Variants in TAB2 observed in about 807,000 individuals in gnomAD.
TAB2 encodes TGF-beta activated kinase 1 (MAP3K7) binding protein 2, also known as TGF-beta-activated kinase 1 and MAP3K7-binding protein 2.
TAB2 carries 3 observed loss-of-function variants against 65.0 expected under a neutral mutation model. That is an observed-to-expected ratio of 0.05 (90% CI 0.02 to 0.12). The LOEUF (loss-of-function observed/expected upper bound fraction) is 0.12. Ranked by LOEUF, TAB2 falls within the 10% of genes least tolerant of loss-of-function variation. The probability of loss-of-function intolerance (pLI) is 1.00; values close to 1 mark genes in which losing one functional copy is unlikely to be tolerated. For missense variants in TAB2, 623 were observed against 840.3 expected, an observed-to-expected ratio of 0.74 and a Z score of 3.20; for synonymous variants, 298 against 285.1, an observed-to-expected ratio of 1.05 and a Z score of -0.46.
chr6:149,299,502 G>A (rs952390417), intron 1 of TAB2, among the ~76,000 whole-genome samples: 2 of 152,142 alleles, frequency 1.3e-5, no homozygotes, highest in Non-Finnish European at 2.9e-5. Flanking sequence ...AACCCAGGAG[G>A]GGGAGGCTGC....
intron 1 of TAB2, among the ~76,000 whole-genome samples, chr6:149,277,362 G>T (rs1278427909): frequency 2.6e-5 from 4 of 151,776 alleles, no homozygotes; most frequent in Admixed American, 2.6e-4. Flanking sequence ...TTTAAAAAAA[G>T]AACAAATAAG....
At chr6:149,254,027 G>A (rs28404752) in intron 1 of TAB2, among the ~76,000 whole-genome samples, 11 of 131,632 alleles carry the variant, frequency 8.4e-5, no homozygotes, top group South Asian at 7.5e-4. Flanking sequence ...AGAAAGAAAA[G>A]AAAGAAAGAG....
intron 6 of TAB2, among the ~76,000 whole-genome samples, chr6:149,408,486 G>C (rs1223773168): frequency 6.6e-6 from 1 of 152,088 alleles, no homozygotes. Flanking sequence ...TTTGACTTCT[G>C]TATTTTTATT....
intron 1 of TAB2, among the ~76,000 whole-genome samples, chr6:149,298,116 T>C (rs920841460): frequency 2.0e-5 from 3 of 152,222 alleles, no homozygotes; most frequent in South Asian, 2.1e-4. Context: ...CACAATTTAA[T>C]TGAAAAAAAA....
At chr6:149,231,511 C>T (rs1405356043) in intron 1 of TAB2, among the ~76,000 whole-genome samples, 1 of 152,154 alleles carries the variant, frequency 6.6e-6, no homozygotes, top group African/African-American at 2.4e-5. Flanking sequence ...AAATTTTAAA[C>T]TTGATTTGGG....
intron 1 of TAB2, among the ~76,000 whole-genome samples, chr6:149,349,184 A>G (rs529235706): frequency 6.6e-6 from 1 of 152,008 alleles, no homozygotes; most frequent in African/African-American, 2.4e-5. Flanking sequence ...GCTTTGGGAG[A>G]CTGAGGCGGG....
At chr6:149,406,651 TTTTCACATTCTCC>T (rs1782674204) in intron 6 of TAB2, among the ~76,000 whole-genome samples, 1 of 152,192 alleles carries the variant, frequency 6.6e-6, no homozygotes, top group Non-Finnish European at 1.5e-5. Context: ...GTTACAAGAA[TTTTCACATTCTCC>T]TTTCACATTC....
At chr6:149,339,809 AGCT>A (rs907877261) in intron 1 of TAB2, among the ~76,000 whole-genome samples, 1 of 151,788 alleles carries the variant, frequency 6.6e-6, no homozygotes, top group Non-Finnish European at 1.5e-5. Flanking sequence ...ATGTTGGCCA[AGCT>A]GGTCTCAAAC....
intron 1 of TAB2, among the ~76,000 whole-genome samples, chr6:149,335,953 C>G (rs1210528967): frequency 6.6e-6 from 1 of 151,972 alleles, no homozygotes; most frequent in East Asian, 1.9e-4. Context: ...GTTTCACATA[C>G]TTTGCTGCTT....
intron 1 of TAB2, among the ~76,000 whole-genome samples, chr6:149,320,492 A>G (rs1583085343): frequency 6.6e-6 from 1 of 151,916 alleles, no homozygotes; most frequent in Non-Finnish European, 1.5e-5. Context: ...AGTTTATTCT[A>G]CATCCGTAAT....
At chr6:149,239,315 G>A in intron 1 of TAB2, among the ~76,000 whole-genome samples, 1 of 152,208 alleles carries the variant, frequency 6.6e-6, no homozygotes, top group East Asian at 1.9e-4. Context: ...CATGACCAGA[G>A]CTTACTGAGA....
chr6:149,401,685 A>G (rs1307872626), intron 6 of TAB2, among the ~76,000 whole-genome samples: 4 of 152,258 alleles, frequency 2.6e-5, no homozygotes, highest in Non-Finnish European at 4.4e-5. Flanking sequence ...ACAAGCACAC[A>G]CGGAACATTC....
At chr6:149,257,190 C>CTTA (rs1243106077) in intron 1 of TAB2, among the ~76,000 whole-genome samples, 22 of 152,236 alleles carry the variant, frequency 1.4e-4, no homozygotes, top group Admixed American at 3.9e-4. Flanking sequence ...CTTACAACAC[C>CTTA]CAGTAAGCAC....
chr6:149,356,351 A>C (rs1428984324), intron 1 of TAB2, among the ~76,000 whole-genome samples: 2 of 152,230 alleles, frequency 1.3e-5, no homozygotes, highest in African/African-American at 4.8e-5. Context: ...AAAATGAGCA[A>C]CCATTAAACA....
intron 1 of TAB2, among the ~76,000 whole-genome samples, chr6:149,331,922 A>G (rs1285058500): frequency 6.6e-6 from 1 of 152,192 alleles, no homozygotes. Context: ...AATTATTGTC[A>G]TACTTAGATG....
chr6:149,228,346 A>G (rs1206737434), intron 1 of TAB2, among the ~76,000 whole-genome samples: 1 of 152,206 alleles, frequency 6.6e-6, no homozygotes, highest in Non-Finnish European at 1.5e-5. Flanking sequence ...CTTGCCTGGA[A>G]TCTGGCTGAC....
intron 1 of TAB2, among the ~76,000 whole-genome samples, chr6:149,300,789 G>C (rs7745574): frequency 0.045 from 6,802 of 152,240 alleles, 484 homozygotes; most frequent in African/African-American, 0.15. Flanking sequence ...AGAGCACTGG[G>C]GGGGTGAAAG....
intron 1 of TAB2, among the ~76,000 whole-genome samples, chr6:149,304,754 A>C (rs1361109791): frequency 2.0e-5 from 3 of 152,170 alleles, no homozygotes; most frequent in African/African-American, 7.2e-5. Context: ...TCACTTGTTT[A>C]AAAGTGGCTT....
At chr6:149,227,950 G>A (rs200361962) in intron 1 of TAB2, among the ~76,000 whole-genome samples, 9 of 151,982 alleles carry the variant, frequency 5.9e-5, no homozygotes, top group African/African-American at 9.7e-5. Context: ...AGAAGCCAGC[G>A]TAGCCACAGA....
Sources: gnomAD v4.1 joint callset for allele counts (sites outside exome capture counted in the v4.1 genomes callset) on GRCh38, gnomAD v4.1.1 for gene constraint, MANE v1.5 for transcripts, NCBI Gene and HGNC (gene_info 2026-07-23, HGNC 2026-07-21) for gene names.